Variants in LINS1 observed in about 807,000 individuals in gnomAD.
The protein encoded by LINS1 is lines homolog 1, also known as protein Lines homolog 1.
A neutral mutation model predicts 41.6 loss-of-function variants in LINS1; 27 were observed. That is an observed-to-expected ratio of 0.65 (90% CI 0.48 to 0.89). LINS1 has a LOEUF of 0.89. Among genes scored for constraint, LINS1 ranks in the 40% least tolerant of loss-of-function variants. LINS1 has a pLI of 0.00. For missense variants in LINS1, 955 were observed against 884.1 expected, an observed-to-expected ratio of 1.08 and a Z score of -1.02; for synonymous variants, 336 against 312.9, an observed-to-expected ratio of 1.07 and a Z score of -0.78.
Position 100,574,028 on chromosome 15 carries a change from C to A in LINS1, c.845G>T (p.Cys282Phe). ...AGGCCAGGTAATAACTTCTAGCATGCAAGATGGTTTCAAAAATAAAATCCT... is the reference window on the plus strand; with the variant it reads ...AGGCCAGGTAATAACTTCTAGCATGAAAGATGGTTTCAAAAATAAAATCCT... ...CQRILFLKPS[C>F]MLEVITWPIQ... Residue 282 changes from cysteine (C) to phenylalanine (F), a missense_variant, in exon 5 of 7, where the codon TGC becomes TTC. Transcript: ENST00000314742. The A allele has an allele frequency of 1.2e-6, 2 of 1,613,946 alleles. No homozygotes were observed. Among genetic ancestry groups the A allele is most frequent in the Non-Finnish European group, 1.7e-6 (2 of 1,179,836 alleles).
rs571835507 is a variant in LINS1, at chr15:100,569,499, T to G, written c.2013A>C (p.Lys671Asn). Residue 671 changes from lysine to asparagine, a missense_variant, in exon 7 of 7, where the codon AAA becomes AAC. By Grantham distance (94) the Lys-to-Asn change is moderately conservative. Coordinates refer to ENST00000314742, the MANE Select transcript of LINS1 (RefSeq NM_001040616.3). ...TTGATGGAGGCTCAAGGCTAAATTC[T>G]TTTTTATCCCTGCTTGTCCCAGCTG... The part of the protein sequence containing the change: ...QDAAGTSRDK[K>N]EFSLEPPSRP... The G allele has an allele frequency of 1.9e-6, 3 of 1,614,054 alleles. No homozygotes were observed. The Admixed American group carries it at 5.0e-5, about 27-fold the overall frequency.
Position 100,572,085 on chromosome 15 carries a change from C to G in LINS1, c.1223-20G>C, listed in dbSNP as rs761940616. Reference sequence around the variant, plus strand: ...AGTCAACTTCAAAAAATGAAAATTTCAAAGTGTAGGCAATAGTTTATGAAT... The same window carrying G: ...AGTCAACTTCAAAAAATGAAAATTTGAAAGTGTAGGCAATAGTTTATGAAT... On this transcript the variant is annotated intron_variant, in intron 5 of 6. Coordinates refer to ENST00000314742, the MANE Select transcript of LINS1 (RefSeq NM_001040616.3). 3.1e-6 allele frequency: 5 copies of G among 1,613,674 alleles called. No homozygotes were observed. In the Admixed American group the frequency reaches 6.7e-5, roughly 22 times the overall value.
Position 100,596,742 on chromosome 15 carries a change from A to G in LINS1, c.-104+5379T>C, listed in dbSNP as rs182431573. ...AATGCCGGCAGCTGTGCCAATGGGAAAGGGCTACCTGGGGACCAGGCACAG... is the reference window on the plus strand; with the variant it reads ...AATGCCGGCAGCTGTGCCAATGGGAGAGGGCTACCTGGGGACCAGGCACAG... On this transcript the variant is annotated intron_variant, in intron 1 of 6. Coordinates refer to ENST00000314742, the MANE Select transcript of LINS1 (RefSeq NM_001040616.3). Among the ~76,000 whole-genome samples the G allele has an allele frequency of 1.1e-3, 160 of 152,318 alleles. 1 individual carries two copies. The highest frequency in any genetic ancestry group is 1.4e-3 in the Non-Finnish European group (95 of 68,020).
chr15:100,601,892 C>T (rs1490551960), intron 1 of LINS1, among the ~76,000 whole-genome samples: 1 of 152,142 alleles, frequency 6.6e-6, no homozygotes, highest in African/African-American at 2.4e-5. Flanking sequence ...CCACTTCAGG[C>T]GAGGCATTGC....
chr15:100,579,481 G>T (rs1206105974), intron 3 of LINS1, among the ~76,000 whole-genome samples: 1 of 148,578 alleles, frequency 6.7e-6, no homozygotes, highest in Non-Finnish European at 1.5e-5. Flanking sequence ...AAAAAAAAAA[G>T]AAAATAAAAA....
chr15:100,571,977 C>CCATTTG lies in LINS1; in HGVS notation c.1305_1310dup (p.Cys435_Lys436dup). On this transcript the variant is annotated inframe_insertion, in exon 6 of 7. Transcript: ENST00000314742. ...CTTGTTCTATGAAAACCCGAGACAGCCATTTGCACGGATTGTGTAATTGCA... is the reference window on the plus strand; with the variant it reads ...CTTGTTCTATGAAAACCCGAGACAGCCATTTGCATTTGCACGGATTGTGTAATTGCA... The CCATTTG allele has an allele frequency of 3.1e-6, 5 of 1,614,184 alleles. No individual in the cohort carries two copies. The highest frequency in any genetic ancestry group is 4.2e-6 in the Non-Finnish European group (5 of 1,180,046).
Position 100,569,232 on chromosome 15 carries a change from A to G in LINS1, c.*6T>C. 1 of 1,551,554 alleles carries G rather than the reference A, an allele frequency of 6.4e-7. No individual in the cohort carries two copies. On this transcript the variant is annotated 3_prime_UTR_variant, in exon 7 of 7. Coordinates refer to ENST00000314742, the MANE Select transcript of LINS1 (RefSeq NM_001040616.3). ...AACAATACCTGGAAAATAAAATGTC[A>G]ATGTTTTACAAAGTGTTCATAGTTT...
intron 3 of LINS1, among the ~76,000 whole-genome samples, chr15:100,577,776 C>T (rs1325076713): frequency 6.6e-6 from 1 of 152,146 alleles, no homozygotes; most frequent in Non-Finnish European, 1.5e-5. Context: ...TCCAACTATA[C>T]TACAAGGCTA....
In LINS1 at chr15:100,580,800, C is replaced by T. The variant is rs117825322; in HGVS notation, c.43G>A (p.Val15Ile). The T allele has an allele frequency of 4.3e-6, 7 of 1,611,272 alleles. No individual in the cohort carries two copies. Among genetic ancestry groups the T allele is most frequent in the East Asian group, 2.2e-5 (1 of 44,820 alleles). ...TTTTCAAGTGTGGCTCCAAGAAGTA[C>T]CTTCTTGTATAACTCTTCTAAAACT... The part of the protein sequence containing the change: ...CEVLEELYKK[V>I]LLGATLENDS... Residue 15 changes from valine to isoleucine, a missense_variant, in exon 2 of 7, where the codon GTA (valine) becomes ATA (isoleucine). Transcript: ENST00000314742.
intron 3 of LINS1, among the ~76,000 whole-genome samples, chr15:100,578,853 T>C (rs1358722787): frequency 6.6e-6 from 1 of 152,048 alleles, no homozygotes; most frequent in East Asian, 1.9e-4. Flanking sequence ...CCATAAAAAA[T>C]GATGAGTTCA....
chr15:100,578,157 A>G (rs1417836941), intron 3 of LINS1, among the ~76,000 whole-genome samples: 1 of 152,194 alleles, frequency 6.6e-6, no homozygotes, highest in African/African-American at 2.4e-5. Flanking sequence ...TGGCAACAAA[A>G]GCCAAAATAG....
intron 1 of LINS1, chr15:100,596,905 C>T (rs1440972223): frequency 1.3e-5 from 2 of 152,236 alleles, no homozygotes; most frequent in African/African-American, 4.8e-5. Context: ...CTCCCTGCCA[C>T]GTACCTGAAG....
chr15:100,580,678 GA>G lies in LINS1; in HGVS notation c.164del (p.Ile55ThrfsTer17). The G allele has an allele frequency of 6.2e-7, 1 of 1,613,878 alleles. No homozygotes were observed. Among genetic ancestry groups the G allele is most frequent in the Non-Finnish European group, 8.5e-7 (1 of 1,179,902 alleles). ...CAGAGATGGGCTGATGCCTGCCCTG[GA>G]TACCACAGGTGTTTGCCCATTCTAA... ...TSLEWANTCG[I>X]QGRHQPISVG... On this transcript the variant is annotated frameshift_variant, in exon 2 of 7. Transcript: ENST00000314742. LOFTEE classifies it high-confidence loss of function.
At chr15:100,572,288 T>C (rs1235391968) in intron 5 of LINS1, 4 of 1,340,408 alleles carry the variant, frequency 3.0e-6, no homozygotes, top group African/African-American at 1.5e-5. Flanking sequence ...ACATTTAAAA[T>C]GTACAGCTAC....
intron 1 of LINS1, among the ~76,000 whole-genome samples, chr15:100,588,977 C>G (rs1381654382): frequency 6.6e-6 from 1 of 152,192 alleles, no homozygotes; most frequent in Admixed American, 6.5e-5. Flanking sequence ...TGTTTTACAG[C>G]TAGGTAGGGC....
In LINS1 at chr15:100,602,138, C is replaced by G. The variant is rs764940045; in HGVS notation, c.-121G>C. 1 of 152,320 alleles carries G rather than the reference C, an allele frequency of 6.6e-6. No homozygotes were observed. The highest frequency in any genetic ancestry group is 2.1e-4 in the South Asian group (1 of 4,834). 9.4% of individuals were successfully genotyped at this position (152,320 alleles called of 1,614,324 possible). A position where few individuals can be genotyped will look rare whatever the true frequency, so the allele number is the denominator to read the frequency against. On this transcript the variant is annotated 5_prime_UTR_variant, in exon 1 of 7. Transcript: ENST00000314742. Reference sequence around the variant, plus strand: ...TTACCTGCCTGGGATCTGGCTCAGGCGAACTCTCTTCACACCGCCATTTGA... The same window carrying G: ...TTACCTGCCTGGGATCTGGCTCAGGGGAACTCTCTTCACACCGCCATTTGA...
At chr15:100,573,427 T>C in intron 5 of LINS1, 1 of 1,043,712 alleles carries the variant, frequency 9.6e-7, no homozygotes. Context: ...ACCTAAATCA[T>C]TCCTTATGCT....
chr15:100,589,779 T>C (rs2038955947), intron 1 of LINS1, among the ~76,000 whole-genome samples: 1 of 152,216 alleles, frequency 6.6e-6, no homozygotes, highest in Non-Finnish European at 1.5e-5. Context: ...ATTCAATTAT[T>C]ATTTTCAATG....
intron 3 of LINS1, 24 bp downstream of exon 3, chr15:100,580,239 A>T: frequency 6.7e-7 from 1 of 1,491,540 alleles, no homozygotes; most frequent in East Asian, 2.3e-5. Context: ...AGAAATAATA[A>T]CATACTTTGA....
Sources: allele counts gnomAD v4.1 joint callset (sites outside exome capture counted in the v4.1 genomes callset), GRCh38; gene constraint gnomAD v4.1.1; transcripts MANE v1.5; gene names NCBI Gene and HGNC (gene_info 2026-07-23, HGNC 2026-07-21).